CCSER1: variants seen among roughly 807,000 people sequenced by gnomAD.
The protein encoded by CCSER1 is coiled-coil serine rich protein 1, also known as serine-rich coiled-coil domain-containing protein 1.
CCSER1 carries 41 observed loss-of-function variants against 82.0 expected under a neutral mutation model. That is an observed-to-expected ratio of 0.50 (90% CI 0.39 to 0.65). The LOEUF (loss-of-function observed/expected upper bound fraction) is 0.65. Among genes scored for constraint, CCSER1 ranks in the 30% least tolerant of loss-of-function variants. The pLI, the probability that CCSER1 is intolerant of heterozygous loss-of-function variation, is 0.00. For missense variants in CCSER1, 1,119 were observed against 1,064.2 expected (o/e 1.05, Z -0.72); for synonymous variants, 414 against 383.9 (o/e 1.08, Z -0.92).
At chr4:90,386,842 C>T (rs1345181668) in intron 3 of CCSER1, among the ~76,000 whole-genome samples, 1 of 152,128 alleles carries the variant, frequency 6.6e-6, no homozygotes, top group Non-Finnish European at 1.5e-5. Flanking sequence ...CAAATGACAT[C>T]TTTAGAAAGA....
chr4:91,565,212 A>G (rs1295884923), intron 10 of CCSER1, among the ~76,000 whole-genome samples: 2 of 151,856 alleles, frequency 1.3e-5, no homozygotes, highest in East Asian at 3.9e-4. Context: ...ATGGTTGCCA[A>G]TGTGCAGCCT....
intron 7 of CCSER1, among the ~76,000 whole-genome samples, chr4:90,810,017 G>A (rs1758042639): frequency 6.6e-6 from 1 of 152,170 alleles, no homozygotes; most frequent in African/African-American, 2.4e-5. Context: ...TTTGGTTGTT[G>A]TTGTTCCTTG....
chr4:90,778,447 T>C (rs1406336882), intron 7 of CCSER1, among the ~76,000 whole-genome samples: 4 of 151,780 alleles, frequency 2.6e-5, no homozygotes, highest in Non-Finnish European at 5.9e-5. Context: ...TAAGCCTTGC[T>C]ATGAAAATAT....
chr4:90,767,513 C>T (rs1177660309), intron 7 of CCSER1, among the ~76,000 whole-genome samples: 1 of 152,098 alleles, frequency 6.6e-6, no homozygotes, highest in African/African-American at 2.4e-5. Context: ...GCCTTGTGAA[C>T]TTAAAAGGCA....
chr4:90,714,249 C>A (rs140988329), intron 6 of CCSER1, among the ~76,000 whole-genome samples: 1 of 151,680 alleles, frequency 6.6e-6, no homozygotes, highest in African/African-American at 2.4e-5. Flanking sequence ...TCTATTTATT[C>A]GTTTATTCCT....
chr4:90,744,513 T>A (rs1580260906), intron 7 of CCSER1, among the ~76,000 whole-genome samples: 1 of 152,208 alleles, frequency 6.6e-6, no homozygotes, highest in Admixed American at 6.5e-5. Flanking sequence ...TATTGTTGGA[T>A]ACCTATATCT....
intron 10 of CCSER1, among the ~76,000 whole-genome samples, chr4:91,135,775 G>C (rs1026409376): frequency 6.6e-6 from 1 of 152,186 alleles, no homozygotes; most frequent in Non-Finnish European, 1.5e-5. Flanking sequence ...ATATTCACAA[G>C]TAGGGAACCT....
At chr4:90,567,901 C>T (rs956861650) in intron 5 of CCSER1, among the ~76,000 whole-genome samples, 2 of 152,136 alleles carry the variant, frequency 1.3e-5, no homozygotes, top group Non-Finnish European at 2.9e-5. Context: ...GCCATTATTC[C>T]CCCCAACCTG....
intron 10 of CCSER1, among the ~76,000 whole-genome samples, chr4:91,514,188 A>C (rs772399202): frequency 6.6e-6 from 1 of 152,046 alleles, no homozygotes; most frequent in Non-Finnish European, 1.5e-5. Context: ...TAATTTTTTT[A>C]TTTCTGCCTT....
intron 10 of CCSER1, among the ~76,000 whole-genome samples, chr4:91,100,445 A>C (rs1207188247): frequency 6.6e-6 from 1 of 152,064 alleles, no homozygotes; most frequent in African/African-American, 2.4e-5. Context: ...TTTGAGTGTC[A>C]TGCTATTCAG....
chr4:90,960,282 T>G (rs1045839720), intron 9 of CCSER1, among the ~76,000 whole-genome samples: 2 of 152,160 alleles, frequency 1.3e-5, no homozygotes, highest in African/African-American at 4.8e-5. Context: ...CTGAAATGGA[T>G]TCAGCCATTA....
intron 8 of CCSER1, among the ~76,000 whole-genome samples, chr4:90,845,826 T>C (rs1181937240): frequency 6.8e-6 from 1 of 147,384 alleles, no homozygotes; most frequent in African/African-American, 2.5e-5. Flanking sequence ...AAAAACCAGA[T>C]TTTCTTATTT....
intron 10 of CCSER1, among the ~76,000 whole-genome samples, chr4:91,326,761 AAT>A (rs1491423826): frequency 6.6e-6 from 1 of 152,182 alleles, no homozygotes; most frequent in African/African-American, 2.4e-5. Flanking sequence ...TCCAAGATAC[AAT>A]GGGGGTACTG....
chr4:90,525,336 TTC>T (rs1327453355), intron 5 of CCSER1, among the ~76,000 whole-genome samples: 4 of 152,160 alleles, frequency 2.6e-5, no homozygotes, highest in African/African-American at 9.6e-5. Context: ...GGAGAATATT[TTC>T]TTTTATAATT....
intron 10 of CCSER1, among the ~76,000 whole-genome samples, chr4:91,215,224 T>C (rs1737148001): frequency 6.6e-6 from 1 of 152,182 alleles, no homozygotes; most frequent in Admixed American, 6.5e-5. Flanking sequence ...AGAGTAAGAC[T>C]ACTTTGAAAG....
At chr4:90,714,336 T>C (rs1741230409) in intron 6 of CCSER1, among the ~76,000 whole-genome samples, 1 of 152,040 alleles carries the variant, frequency 6.6e-6, no homozygotes, top group Non-Finnish European at 1.5e-5. Context: ...GATTTTTTCT[T>C]ATTAAGCACA....
intron 1 of CCSER1, among the ~76,000 whole-genome samples, chr4:90,195,884 A>G (rs920533210): frequency 1.3e-5 from 2 of 152,116 alleles, no homozygotes; most frequent in African/African-American, 4.8e-5. Flanking sequence ...CAAAATGTCC[A>G]GCAATATGGG....
At chr4:90,167,772 G>T (rs559616996) in intron 1 of CCSER1, among the ~76,000 whole-genome samples, 101 of 152,074 alleles carry the variant, frequency 6.6e-4, no homozygotes, top group African/African-American at 2.4e-3. Context: ...ATGGTTTCCA[G>T]CTTCATCCAT....
chr4:91,282,807 T>C (rs917339506), intron 10 of CCSER1, among the ~76,000 whole-genome samples: 1 of 152,160 alleles, frequency 6.6e-6, no homozygotes, highest in Admixed American at 6.6e-5. Flanking sequence ...TCCACCACTT[T>C]AACTATTTAG....
Sources: allele counts gnomAD v4.1 joint callset (sites outside exome capture counted in the v4.1 genomes callset), GRCh38; gene constraint gnomAD v4.1.1; transcripts MANE v1.5; gene names NCBI Gene and HGNC (gene_info 2026-07-23, HGNC 2026-07-21).